Variants in DPP10 observed in about 807,000 individuals in gnomAD.
DPP10 encodes dipeptidyl peptidase like 10, also known as inactive dipeptidyl peptidase 10.
In DPP10, 33 loss-of-function variants were observed where a neutral mutation model predicts 120.9. The observed-to-expected ratio is 0.27, with a 90% CI of 0.21 to 0.37. DPP10 has a LOEUF of 0.37. DPP10 is among the 10% of genes least tolerant of loss of function. DPP10 has a pLI of 1.00. For missense variants in DPP10, 816 were observed against 942.8 expected (o/e 0.87, Z 1.76); for synonymous variants, 337 against 326.1 (o/e 1.03, Z -0.36).
intron 1 of DPP10, among the ~76,000 whole-genome samples, chr2:114,856,686 T>C (rs564772922): frequency 6.6e-6 from 1 of 152,278 alleles, no homozygotes; most frequent in South Asian, 2.1e-4. Flanking sequence ...CATGCAAAAC[T>C]AATCTCTAGT....
intron 1 of DPP10, among the ~76,000 whole-genome samples, chr2:114,601,785 A>C (rs2105230360): frequency 6.6e-6 from 1 of 152,064 alleles, no homozygotes; most frequent in Non-Finnish European, 1.5e-5. Context: ...TAAGTTCTGA[A>C]GTCATGTTGA....
At chr2:115,493,182 A>G (rs2076215528) in intron 3 of DPP10, among the ~76,000 whole-genome samples, 1 of 152,060 alleles carries the variant, frequency 6.6e-6, no homozygotes, top group South Asian at 2.1e-4. Context: ...TGGGCTGTGT[A>G]ATGGTAATAC....
At position 114,961,878 on chromosome 2, in the gene DPP10, C is replaced by G. The variant is rs116358182; in HGVS notation, c.61-347361C>G. On this transcript the variant is annotated intron_variant, in intron 1 of 25. Transcript: ENST00000410059. Reference sequence around the variant, plus strand: ...CTGAGGCAGGAGAATTGTTTGAACCCGGGAAGCAAAGGTTGCCGTTAGCTG... The same window carrying G: ...CTGAGGCAGGAGAATTGTTTGAACCGGGGAAGCAAAGGTTGCCGTTAGCTG... Among the ~76,000 whole-genome samples the G allele has an allele frequency of 5.3e-5, 8 of 151,978 alleles. No homozygotes were observed. In the East Asian group the frequency reaches 1.4e-3, roughly 26 times the overall value.
chr2:115,159,585 T>A (rs1412481269), intron 1 of DPP10, among the ~76,000 whole-genome samples: 1 of 152,064 alleles, frequency 6.6e-6, no homozygotes, highest in Non-Finnish European at 1.5e-5. Flanking sequence ...GGAAAATCCG[T>A]TTACATGTGA....
At chr2:115,733,844 T>C (rs2092968344) in intron 8 of DPP10, among the ~76,000 whole-genome samples, 1 of 152,154 alleles carries the variant, frequency 6.6e-6, no homozygotes, top group South Asian at 2.1e-4. Flanking sequence ...ATTTTCTAAA[T>C]CAGAGTAATA....
At chr2:114,921,295 A>G (rs1346998757) in intron 1 of DPP10, among the ~76,000 whole-genome samples, 2 of 152,200 alleles carry the variant, frequency 1.3e-5, no homozygotes, top group African/African-American at 4.8e-5. Flanking sequence ...AAACTCACAT[A>G]GCTTAAGCAG....
At chr2:115,489,613 CTTT>C (rs542376503) in intron 3 of DPP10, among the ~76,000 whole-genome samples, 1 of 140,590 alleles carries the variant, frequency 7.1e-6, no homozygotes. Flanking sequence ...AAAACTGGCG[CTTT>C]TTTTTTTTTT....
intron 5 of DPP10, among the ~76,000 whole-genome samples, chr2:115,572,565 G>A (rs1457554732): frequency 2.0e-5 from 3 of 152,052 alleles, no homozygotes; most frequent in South Asian, 4.1e-4. Context: ...TCTACTCTAT[G>A]TATATACTTA....
intron 2 of DPP10, among the ~76,000 whole-genome samples, chr2:115,314,523 C>T (rs1291703886): frequency 1.3e-5 from 2 of 152,132 alleles, no homozygotes; most frequent in South Asian, 4.1e-4. Context: ...AGAATATAAA[C>T]ATAACCAAGC....
intron 4 of DPP10, among the ~76,000 whole-genome samples, chr2:115,515,317 C>A (rs2077444954): frequency 6.6e-6 from 1 of 151,888 alleles, no homozygotes; most frequent in Non-Finnish European, 1.5e-5. Context: ...TCAAACCCAC[C>A]AATAGTGTAT....
intron 1 of DPP10, among the ~76,000 whole-genome samples, chr2:114,947,779 G>A (rs1447974849): frequency 6.6e-6 from 1 of 151,932 alleles, no homozygotes; most frequent in Non-Finnish European, 1.5e-5. Flanking sequence ...CACATTTTAA[G>A]TTCAAAGTGT....
At chr2:115,792,283 T>A (rs1684073428) in intron 19 of DPP10, among the ~76,000 whole-genome samples, 1 of 152,126 alleles carries the variant, frequency 6.6e-6, no homozygotes, top group Non-Finnish European at 1.5e-5. Flanking sequence ...GTAGACTGAG[T>A]GAAATACAAC....
At chr2:115,290,329 C>A (rs1289832577) in intron 1 of DPP10, among the ~76,000 whole-genome samples, 2 of 151,918 alleles carry the variant, frequency 1.3e-5, no homozygotes, top group Non-Finnish European at 2.9e-5. Flanking sequence ...GTTCAAGTTA[C>A]CTTGAAATGT....
chr2:114,992,564 C>A (rs893817179), intron 1 of DPP10, among the ~76,000 whole-genome samples: 4 of 152,114 alleles, frequency 2.6e-5, no homozygotes, highest in Non-Finnish European at 4.4e-5. Context: ...TTGTTTGCAA[C>A]CAAAGAACCA....
intron 1 of DPP10, among the ~76,000 whole-genome samples, chr2:114,968,088 A>C (rs1699160304): frequency 6.6e-6 from 1 of 152,140 alleles, no homozygotes; most frequent in South Asian, 2.1e-4. Context: ...ATTATGTTCT[A>C]CTTTTCCTCA....
intron 1 of DPP10, among the ~76,000 whole-genome samples, chr2:114,857,205 T>C (rs1319469109): frequency 6.6e-6 from 1 of 152,206 alleles, no homozygotes; most frequent in Admixed American, 6.5e-5. Context: ...AGCTTCTAAA[T>C]TGATAAAAGA....
At chr2:115,552,188 G>A (rs981115358) in intron 5 of DPP10, among the ~76,000 whole-genome samples, 1 of 152,072 alleles carries the variant, frequency 6.6e-6, no homozygotes, top group Non-Finnish European at 1.5e-5. Flanking sequence ...TGTCCAAGAG[G>A]AATGAGATTA....
At chr2:115,342,181 A>C (rs1447628851) in intron 2 of DPP10, 3 of 454,242 alleles carry the variant, frequency 6.6e-6, no homozygotes, top group African/African-American at 6.0e-5. Flanking sequence ...GACATCTATT[A>C]TGTATGTATG....
chr2:115,012,720 A>C (rs76819847), intron 1 of DPP10, among the ~76,000 whole-genome samples: 1,744 of 152,296 alleles, frequency 0.011, 22 homozygotes, highest in African/African-American at 0.04. Flanking sequence ...TGACATAGAG[A>C]AGGAACCAGA....
Sources: gnomAD v4.1 joint callset for allele counts (sites outside exome capture counted in the v4.1 genomes callset) on GRCh38, gnomAD v4.1.1 for gene constraint, MANE v1.5 for transcripts, NCBI Gene and HGNC (gene_info 2026-07-23, HGNC 2026-07-21) for gene names.